STK3: variants seen among roughly 807,000 people sequenced by gnomAD.
The protein encoded by STK3 is serine/threonine-protein kinase 3.
A neutral mutation model predicts 58.0 loss-of-function variants in STK3; 41 were observed. That is an observed-to-expected ratio of 0.71 (90% CI 0.55 to 0.92). The LOEUF is 0.92. STK3 is among the 40% of genes least tolerant of loss of function. The pLI, the probability that STK3 is intolerant of heterozygous loss-of-function variation, is 0.00. For missense variants in STK3, 479 were observed against 602.7 expected, an observed-to-expected ratio of 0.79 and a Z score of 2.15; for synonymous variants, 170 against 191.0, an observed-to-expected ratio of 0.89 and a Z score of 0.91.
At chr8:98,942,058 C>T (rs1213698724) in intron 1 of STK3, among the ~76,000 whole-genome samples, 2 of 152,246 alleles carry the variant, frequency 1.3e-5, no homozygotes, top group African/African-American at 4.8e-5. Flanking sequence ...CCTTTCTGCG[C>T]CGAGGGCTGC....
At chr8:98,711,632 G>T (rs889631119) in intron 4 of STK3, among the ~76,000 whole-genome samples, 4 of 152,116 alleles carry the variant, frequency 2.6e-5, no homozygotes, top group Admixed American at 6.5e-5. Flanking sequence ...TATGGGACTA[G>T]GTGAAAAGAC....
At chr8:98,741,553 C>G (rs1829211725) in intron 4 of STK3, among the ~76,000 whole-genome samples, 2 of 152,094 alleles carry the variant, frequency 1.3e-5, no homozygotes, top group Admixed American at 6.5e-5. Flanking sequence ...CCAATGAGAA[C>G]AAAGACACAA....
At chr8:98,928,748 A>G (rs1432301091) in intron 1 of STK3, among the ~76,000 whole-genome samples, 2 of 152,198 alleles carry the variant, frequency 1.3e-5, no homozygotes, top group African/African-American at 4.8e-5. Flanking sequence ...TAAAAAAATT[A>G]TAATAAGTTG....
At chr8:98,528,990 A>G (rs899404880) in intron 9 of STK3, among the ~76,000 whole-genome samples, 7 of 140,128 alleles carry the variant, frequency 5.0e-5, no homozygotes, top group Middle Eastern at 3.4e-3. Flanking sequence ...TTACTTGCCT[A>G]TGGAGACATT....
At chr8:98,886,229 A>G (rs1472127089) in intron 1 of STK3, among the ~76,000 whole-genome samples, 1 of 152,186 alleles carries the variant, frequency 6.6e-6, no homozygotes, top group African/African-American at 2.4e-5. Context: ...TGAAATCTGA[A>G]TAAGATCTGT....
At chr8:98,457,623 CTTAGACT>C (rs1205022609) in intron 10 of STK3, among the ~76,000 whole-genome samples, 2 of 152,186 alleles carry the variant, frequency 1.3e-5, no homozygotes, top group African/African-American at 4.8e-5. Context: ...CCAAAAAATA[CTTAGACT>C]TTAGAGACTG....
chr8:98,806,135 T>C (rs1833871479), intron 1 of STK3, among the ~76,000 whole-genome samples: 1 of 152,214 alleles, frequency 6.6e-6, no homozygotes, highest in Non-Finnish European at 1.5e-5. Flanking sequence ...TCATGTCTTA[T>C]CTAGCCTATT....
chr8:98,810,548 C>G (rs1834153233), intron 1 of STK3, among the ~76,000 whole-genome samples: 1 of 150,998 alleles, frequency 6.6e-6, no homozygotes, highest in Non-Finnish European at 1.5e-5. Context: ...TTTTCATGTG[C>G]TTATTGGCCA....
intron 4 of STK3, among the ~76,000 whole-genome samples, chr8:98,720,851 A>C (rs968949476): frequency 3.3e-5 from 5 of 152,184 alleles, no homozygotes; most frequent in Admixed American, 2.0e-4. Flanking sequence ...TCTAATTAGA[A>C]CAGTTGCCAA....
At chr8:98,839,530 T>G (rs1397396962) in intron 3 of STK3, among the ~76,000 whole-genome samples, 2 of 152,216 alleles carry the variant, frequency 1.3e-5, no homozygotes, top group African/African-American at 4.8e-5. Flanking sequence ...TGAAGTGTGG[T>G]CCCTAACCTG....
chr8:98,777,709 C>T (rs1318758128), intron 1 of STK3, among the ~76,000 whole-genome samples: 1 of 152,060 alleles, frequency 6.6e-6, no homozygotes, highest in African/African-American at 2.4e-5. Flanking sequence ...ACTTCTAAGA[C>T]AAAAGCCACT....
intron 10 of STK3, among the ~76,000 whole-genome samples, chr8:98,491,974 T>G (rs1000064803): frequency 2.6e-5 from 4 of 152,104 alleles, no homozygotes; most frequent in Non-Finnish European, 4.4e-5. Context: ...AGCACTCAAA[T>G]GTACACCAGA....
At chr8:98,491,590 G>A (rs565396639) in intron 10 of STK3, among the ~76,000 whole-genome samples, 9 of 152,194 alleles carry the variant, frequency 5.9e-5, no homozygotes, top group African/African-American at 1.7e-4. Flanking sequence ...ACAAGCGTGT[G>A]CCACTGCACC....
intron 2 of STK3, among the ~76,000 whole-genome samples, chr8:98,772,307 T>C (rs1169424326): frequency 2.0e-5 from 3 of 152,234 alleles, no homozygotes; most frequent in Non-Finnish European, 4.4e-5. Context: ...ATGTTGGAGA[T>C]GGAACCTGTT....
chr8:98,897,022 AAAGAG>A (rs1838475494), intron 1 of STK3, among the ~76,000 whole-genome samples: 1 of 152,042 alleles, frequency 6.6e-6, no homozygotes, highest in Non-Finnish European at 1.5e-5. Flanking sequence ...AAAGAAAGAG[AAAGAG>A]AAAGAAAGAA....
At chr8:98,783,431 A>T (rs1209222319) in intron 1 of STK3, among the ~76,000 whole-genome samples, 1 of 152,216 alleles carries the variant, frequency 6.6e-6, no homozygotes, top group East Asian at 1.9e-4. Context: ...AATTAAAAAT[A>T]AAAAAGATTT....
At chr8:98,849,022 C>T (rs1323965155) in intron 3 of STK3, among the ~76,000 whole-genome samples, 2 of 151,910 alleles carry the variant, frequency 1.3e-5, no homozygotes, top group Non-Finnish European at 2.9e-5. Context: ...GTCAGGAGTT[C>T]GAGACCATCC....
chr8:98,803,299 T>C (rs1833689579), intron 1 of STK3, among the ~76,000 whole-genome samples: 1 of 151,866 alleles, frequency 6.6e-6, no homozygotes, highest in African/African-American at 2.4e-5. Context: ...CAATCAGAAA[T>C]AGTAAAAACA....
At chr8:98,697,925 T>C (rs898610691) in intron 6 of STK3, among the ~76,000 whole-genome samples, 1 of 152,186 alleles carries the variant, frequency 6.6e-6, no homozygotes, top group Non-Finnish European at 1.5e-5. Flanking sequence ...CCTTGCTAAC[T>C]TTCTGTCTGG....
Sources: allele counts gnomAD v4.1 joint callset (sites outside exome capture counted in the v4.1 genomes callset), GRCh38; gene constraint gnomAD v4.1.1; transcripts MANE v1.5; gene names NCBI Gene and HGNC (gene_info 2026-07-23, HGNC 2026-07-21).